Variants in ENTREP2 observed in about 807,000 individuals in gnomAD.
The protein encoded by ENTREP2 is protein ENTREP2.
chr15:29,541,405 G>C, the ENTREP2 span, among the ~76,000 whole-genome samples: 1 of 152,206 alleles, frequency 6.6e-6, no homozygotes, highest in Non-Finnish European at 1.5e-5. Flanking sequence ...CAGGAGGGAA[G>C]ACAGATGAGA....
the ENTREP2 span, among the ~76,000 whole-genome samples, chr15:29,497,597 CTT>C: frequency 6.6e-6 from 1 of 152,154 alleles, no homozygotes; most frequent in Admixed American, 6.5e-5. Flanking sequence ...GTAGTACTCT[CTT>C]AGGATCCTTT....
the ENTREP2 span, among the ~76,000 whole-genome samples, chr15:29,665,114 T>C: frequency 0.15 from 22,327 of 152,216 alleles, 3,322 homozygotes; most frequent in African/African-American, 0.38. Context: ...GCCCTGCCCT[T>C]TGGGCACTGG....
chr15:29,507,130 T>C, the ENTREP2 span, among the ~76,000 whole-genome samples: 35 of 152,072 alleles, frequency 2.3e-4, no homozygotes, highest in Non-Finnish European at 4.6e-4. Flanking sequence ...AAACAGACTT[T>C]AAACCAACAA....
the ENTREP2 span, among the ~76,000 whole-genome samples, chr15:29,207,396 A>G: frequency 6.7e-6 from 1 of 150,194 alleles, no homozygotes; most frequent in East Asian, 2.0e-4. Context: ...TTTATTACGA[A>G]GAGCAAGAGA....
the ENTREP2 span, among the ~76,000 whole-genome samples, chr15:29,427,232 A>T: frequency 6.6e-6 from 1 of 152,184 alleles, no homozygotes; most frequent in Non-Finnish European, 1.5e-5. Flanking sequence ...ATCCTGCAAC[A>T]ACTTTCAAAG....
the ENTREP2 span, chr15:29,121,542 C>T: frequency 2.0e-5 from 3 of 152,216 alleles, no homozygotes; most frequent in East Asian, 1.9e-4. Flanking sequence ...GGCTGAAGCT[C>T]GGCTCCAGGG....
chr15:29,305,687 A>G, the ENTREP2 span, among the ~76,000 whole-genome samples: 7 of 152,166 alleles, frequency 4.6e-5, no homozygotes, highest in African/African-American at 1.4e-4. Context: ...GGGGAGAAGA[A>G]CAGACTTGGG....
At chr15:29,382,801 A>T in the ENTREP2 span, among the ~76,000 whole-genome samples, 7 of 152,146 alleles carry the variant, frequency 4.6e-5, no homozygotes, top group Admixed American at 3.3e-4. Flanking sequence ...CCTGGTGTCC[A>T]GGAAGGGCCA....
chr15:29,459,768 A>G, the ENTREP2 span, among the ~76,000 whole-genome samples: 1 of 152,178 alleles, frequency 6.6e-6, no homozygotes, highest in African/African-American at 2.4e-5. Flanking sequence ...CTATGTGGGG[A>G]ATCCAACCTT....
chr15:29,564,184 T>C, the ENTREP2 span, among the ~76,000 whole-genome samples: 9 of 150,944 alleles, frequency 6.0e-5, no homozygotes, highest in East Asian at 1.5e-3. Flanking sequence ...AGACTCAAAA[T>C]AGGAATTCTC....
At chr15:29,161,314 C>A in the ENTREP2 span, among the ~76,000 whole-genome samples, 1 of 152,180 alleles carries the variant, frequency 6.6e-6, no homozygotes, top group Non-Finnish European at 1.5e-5. Flanking sequence ...TGCCCCATAA[C>A]GCAGCTCACC....
At chr15:29,460,178 G>A in the ENTREP2 span, among the ~76,000 whole-genome samples, 1 of 152,164 alleles carries the variant, frequency 6.6e-6, no homozygotes, top group Admixed American at 6.5e-5. Flanking sequence ...TGTGAGCCCA[G>A]GAGTTTGAGG....
chr15:29,650,546 T>C, the ENTREP2 span, among the ~76,000 whole-genome samples: 30 of 151,524 alleles, frequency 2.0e-4, no homozygotes, highest in Admixed American at 1.4e-3. Context: ...TGAGCCAAGA[T>C]CACGCCATTG....
At chr15:29,406,367 C>T in the ENTREP2 span, among the ~76,000 whole-genome samples, 3 of 151,980 alleles carry the variant, frequency 2.0e-5, no homozygotes, top group East Asian at 1.9e-4. Context: ...GCCAACATGG[C>T]GAAACCGCAT....
the ENTREP2 span, among the ~76,000 whole-genome samples, chr15:29,469,192 G>A: frequency 6.6e-6 from 1 of 151,958 alleles, no homozygotes; most frequent in Non-Finnish European, 1.5e-5. Context: ...CTTCTTTTTT[G>A]TTTTGTTTTG....
At chr15:29,369,196 A>T in the ENTREP2 span, among the ~76,000 whole-genome samples, 1 of 151,500 alleles carries the variant, frequency 6.6e-6, no homozygotes, top group Non-Finnish European at 1.5e-5. Context: ...AGACTTCCCA[A>T]ATTTGATGAA....
the ENTREP2 span, among the ~76,000 whole-genome samples, chr15:29,540,834 G>C: frequency 1.3e-5 from 2 of 152,170 alleles, no homozygotes; most frequent in African/African-American, 2.4e-5. Flanking sequence ...ATTTTAAAAA[G>C]CTTTCTCTAA....
At chr15:29,339,539 CAT>C in the ENTREP2 span, among the ~76,000 whole-genome samples, 1 of 152,184 alleles carries the variant, frequency 6.6e-6, no homozygotes, top group Non-Finnish European at 1.5e-5. Flanking sequence ...CTCTCTCTAC[CAT>C]ATGTCACCAT....
At chr15:29,151,796 C>T in the ENTREP2 span, 835 of 1,551,420 alleles carry the variant, frequency 5.4e-4, no homozygotes, top group Non-Finnish European at 6.9e-4. Flanking sequence ...AGCGCACACA[C>T]GATAGTGGAC....
Sources: gnomAD v4.1 joint callset for allele counts (sites outside exome capture counted in the v4.1 genomes callset) on GRCh38, gnomAD v4.1.1 for gene constraint, MANE v1.5 for transcripts, NCBI Gene and HGNC (gene_info 2026-07-23, HGNC 2026-07-21) for gene names.